TBCK: variants seen among roughly 807,000 people sequenced by gnomAD.
TBCK encodes the protein TBC domain-containing protein kinase-like protein.
A neutral mutation model predicts 113.4 loss-of-function variants in TBCK; 99 were observed. The ratio of observed to expected loss-of-function variants is 0.87; its 90% confidence interval spans 0.74 to 1.03. TBCK has a LOEUF of 1.03. Among genes scored for constraint, TBCK ranks in the 50% least tolerant of loss-of-function variants. The pLI is 0.00. For missense variants in TBCK, 1,045 were observed against 1,061.3 expected (o/e 0.98, Z 0.21); for synonymous variants, 369 against 370.8 (o/e 1.00, Z 0.05).
rs142298464 is a variant in TBCK at position 106,247,383 on chromosome 4, T to TA, written c.783-97dup. ...CAAGAGAATGGATAAAAGTCTTAAA[T>TA]ACCTCATTAGCACAGAAAATAATAC... On this transcript the variant is annotated intron_variant, in intron 9 of 25. Coordinates refer to ENST00000394708, the MANE Select transcript of TBCK (RefSeq NM_001163435.3). The TA allele has an allele frequency of 2.3e-4, 264 of 1,129,244 alleles. 4 individuals carry two copies. In the East Asian group the frequency reaches 5.7e-3, roughly 24 times the overall value. 70.0% of individuals were successfully genotyped at this position (1,129,244 alleles called of 1,614,324 possible). A position where few individuals can be genotyped will look rare whatever the true frequency, so the allele number is the denominator to read the frequency against.
At chr4:106,056,303 C>T (rs1371761589) in intron 25 of TBCK, among the ~76,000 whole-genome samples, 1 of 145,218 alleles carries the variant, frequency 6.9e-6, no homozygotes, top group Non-Finnish European at 1.5e-5. Flanking sequence ...CAAGGTCTCG[C>T]TTTGTTGCCC....
chr4:106,190,179 T>TATAATAA lies in TBCK; in HGVS notation c.2059+3429_2059+3430insTTATTAT, dbSNP rs1560790132. On this transcript the variant is annotated intron_variant, in intron 22 of 25. Coordinates refer to ENST00000394708, the MANE Select transcript of TBCK (RefSeq NM_001163435.3). Reference sequence around the variant, plus strand: ...AAGCCACTGTTTATAATGGAAAGATTACACATAAATCTTACAGTAACCCTA... The same window carrying TATAATAA: ...AAGCCACTGTTTATAATGGAAAGATTATAATAAACACATAAATCTTACAGTAACCCTA... 1.4e-4 allele frequency among the ~76,000 whole-genome samples: 22 copies of TATAATAA among 152,272 alleles called. No homozygotes were observed. The East Asian group carries it at 3.5e-3, about 24-fold the overall frequency.
At chr4:106,258,883 C>T (rs1762246864) in intron 5 of TBCK, among the ~76,000 whole-genome samples, 1 of 151,670 alleles carries the variant, frequency 6.6e-6, no homozygotes, top group Non-Finnish European at 1.5e-5. Flanking sequence ...CTTTTTTGAA[C>T]AAATAAGAAA....
intron 25 of TBCK, among the ~76,000 whole-genome samples, chr4:106,084,777 G>C (rs1318288770): frequency 6.6e-6 from 1 of 152,152 alleles, no homozygotes; most frequent in Non-Finnish European, 1.5e-5. Flanking sequence ...GAGACTGGGG[G>C]CTAATATTTA....
At chr4:106,268,883 T>C (rs1763230483) in intron 3 of TBCK, among the ~76,000 whole-genome samples, 1 of 151,992 alleles carries the variant, frequency 6.6e-6, no homozygotes, top group Admixed American at 6.6e-5. Flanking sequence ...GATTTGGAAA[T>C]CATTCATGTA....
chr4:106,304,310 A>G (rs1767272919), intron 2 of TBCK, among the ~76,000 whole-genome samples: 2 of 152,182 alleles, frequency 1.3e-5, no homozygotes, highest in African/African-American at 2.4e-5. Context: ...CAGTTCAGAG[A>G]TTAACACCAA....
At chr4:106,108,586 C>A (rs1284926128) in intron 24 of TBCK, among the ~76,000 whole-genome samples, 1 of 152,154 alleles carries the variant, frequency 6.6e-6, no homozygotes, top group Non-Finnish European at 1.5e-5. Context: ...TCTCAATAAA[C>A]CAGCTATTGA....
intron 22 of TBCK, among the ~76,000 whole-genome samples, chr4:106,186,239 G>A (rs888924305): frequency 2.0e-5 from 3 of 152,132 alleles, no homozygotes; most frequent in African/African-American, 4.8e-5. Context: ...AATCCTTTGG[G>A]TATATGCCTA....
At chr4:106,306,236 ATTTTTTT>A (rs60417567) in intron 2 of TBCK, among the ~76,000 whole-genome samples, 71 of 97,352 alleles carry the variant, frequency 7.3e-4, no homozygotes, top group African/African-American at 1.9e-3. Flanking sequence ...TGCCTGGCTA[ATTTTTTT>A]TTTTTTTTTT....
chr4:106,143,340 A>G (rs1162312842), intron 23 of TBCK, among the ~76,000 whole-genome samples: 3 of 152,230 alleles, frequency 2.0e-5, no homozygotes, highest in Non-Finnish European at 2.9e-5. Context: ...TTCTACATTG[A>G]GAAAAGTGGC....
intron 23 of TBCK, among the ~76,000 whole-genome samples, chr4:106,132,225 G>A (rs538763750): frequency 6.6e-6 from 1 of 152,332 alleles, no homozygotes; most frequent in South Asian, 2.1e-4. Flanking sequence ...TCACAGGCCT[G>A]GAGGCCTAGG....
At chr4:106,220,685 A>T (rs969434349) in intron 19 of TBCK, among the ~76,000 whole-genome samples, 4 of 152,120 alleles carry the variant, frequency 2.6e-5, no homozygotes, top group Admixed American at 1.3e-4. Flanking sequence ...AATGCATTCT[A>T]TCCGTCCATT....
intron 22 of TBCK, among the ~76,000 whole-genome samples, chr4:106,178,015 G>T (rs1751891694): frequency 6.6e-6 from 1 of 151,440 alleles, no homozygotes; most frequent in South Asian, 2.1e-4. Flanking sequence ...ATTAGTGTTT[G>T]TTCTCATTGT....
chr4:106,216,076 T>G (rs6841511), intron 19 of TBCK, among the ~76,000 whole-genome samples: 3 of 151,500 alleles, frequency 2.0e-5, no homozygotes, highest in Non-Finnish European at 4.4e-5. Flanking sequence ...TCAAAACCAC[T>G]CAACTACATG....
In TBCK at chr4:106,251,995, G is replaced by C; in HGVS notation, c.468C>G (p.Tyr156Ter). 1.2e-6 allele frequency: 2 copies of C among 1,606,784 alleles called. No individual in the cohort carries two copies. The highest frequency in any genetic ancestry group is 1.7e-6 in the Non-Finnish European group (2 of 1,176,490). Residue 156 changes from tyrosine to a stop codon, truncating the protein, a stop_gained, in exon 6 of 26, where the codon TAC becomes TAG. Transcript: ENST00000394708. LOFTEE classifies it high-confidence loss of function. ...CCTGTGCAATTACCTCAGGGGCCAA[G>C]TACGAGGGATACCTGTAATGATACA... The part of the protein sequence containing the change: ...DVDFPIGYPS[Y>*]LAPEVIAQGI...
intron 3 of TBCK, among the ~76,000 whole-genome samples, chr4:106,273,072 T>C (rs7698439): frequency 0.018 from 2,763 of 152,272 alleles, 74 homozygotes; most frequent in African/African-American, 0.061. Flanking sequence ...TATCCACCTT[T>C]TGTAATATAC....
intron 25 of TBCK, among the ~76,000 whole-genome samples, chr4:106,057,766 A>G (rs528499023): frequency 3.3e-5 from 5 of 151,816 alleles, no homozygotes; most frequent in Non-Finnish European, 7.4e-5. Context: ...CTATTTCCAG[A>G]ACTTTAATTA....
chr4:106,262,529 G>A (rs745434818), intron 3 of TBCK, among the ~76,000 whole-genome samples: 8 of 151,926 alleles, frequency 5.3e-5, no homozygotes, highest in Non-Finnish European at 7.4e-5. Context: ...GTTTGGCTTC[G>A]CCAAATTATC....
chr4:106,145,613 T>C (rs937347946), intron 23 of TBCK, among the ~76,000 whole-genome samples: 1 of 152,228 alleles, frequency 6.6e-6, no homozygotes, highest in African/African-American at 2.4e-5. Flanking sequence ...CTATTAGATG[T>C]GCGAAAACAT....
Sources: gnomAD v4.1 joint callset for allele counts (sites outside exome capture counted in the v4.1 genomes callset) on GRCh38, gnomAD v4.1.1 for gene constraint, MANE v1.5 for transcripts, NCBI Gene and HGNC (gene_info 2026-07-23, HGNC 2026-07-21) for gene names.